GGA3: variants seen among roughly 807,000 people sequenced by gnomAD.
GGA3 encodes the protein golgi associated, gamma adaptin ear containing, ARF binding protein 3.
Under a neutral mutation model 77.5 loss-of-function variants are expected in GGA3, and 57 were observed. That is an observed-to-expected ratio of 0.74 (90% CI 0.59 to 0.92). GGA3 has a LOEUF of 0.92. GGA3 is among the 40% of genes least tolerant of loss of function. The probability of loss-of-function intolerance (pLI) is 0.00; values close to 1 mark genes in which losing one functional copy is unlikely to be tolerated. For missense variants in GGA3, 970 were observed against 914.9 expected (o/e 1.06, Z -0.78); for synonymous variants, 416 against 383.7 (o/e 1.08, Z -0.98).
In GGA3 at chr17:75,250,395, C is replaced by T. The variant is rs566937963; in HGVS notation, c.41-3599G>A. Among the ~76,000 whole-genome samples, 88 of 152,286 alleles carry T rather than the reference C, an allele frequency of 5.8e-4. No individual in the cohort carries two copies. The Middle Eastern group carries it at 0.01, about 18-fold the overall frequency. ...TAGCCTACTCTCGTGGGACTTAAAA[C>T]GTCATGTGGGGATGGAAACAGCAGC... On this transcript the variant is annotated intron_variant, in intron 1 of 16. Transcript: ENST00000537686.
rs1207770769 is a variant in GGA3 at position 75,239,868 on chromosome 17, C to T, written c.1504G>A (p.Gly502Arg). Residue 502 changes from glycine to arginine, a missense_variant, in exon 13 of 17, where the codon GGG becomes AGG. Coordinates refer to ENST00000537686, the MANE Select transcript of GGA3 (RefSeq NM_138619.4). ...LAPKVEPAVP[G>R]HHGLALGNSA... ...TTGCCCAACGCCAAGCCATGGTGCC[C>T]AGGGACTGCGGGCTCAACTTTTGGG... is the stretch of plus-strand genomic sequence containing the variant. The T allele has an allele frequency of 6.2e-7, 1 of 1,613,926 alleles. No individual in the cohort carries two copies. The highest frequency in any genetic ancestry group is 1.1e-5 in the South Asian group (1 of 91,088).
chr17:75,244,253 C>G (rs1420540373), intron 4 of GGA3: 1 of 224,752 alleles, frequency 4.4e-6, no homozygotes, highest in Admixed American at 5.2e-5. Context: ...AGCTGAGCAT[C>G]GGAGCAATGA....
chr17:75,258,270 G>A (rs1329914358), intron 1 of GGA3, among the ~76,000 whole-genome samples: 3 of 152,112 alleles, frequency 2.0e-5, no homozygotes, highest in Non-Finnish European at 2.9e-5. Flanking sequence ...CTCTTCACAC[G>A]GACGCGCATG....
intron 1 of GGA3, among the ~76,000 whole-genome samples, chr17:75,255,040 G>A (rs1027178949): frequency 1.3e-5 from 2 of 152,206 alleles, no homozygotes. Context: ...CTTAACGGCT[G>A]AAGACTGACG....
chr17:75,255,589 G>T (rs1167527512), intron 1 of GGA3, among the ~76,000 whole-genome samples: 1 of 152,196 alleles, frequency 6.6e-6, no homozygotes, highest in Non-Finnish European at 1.5e-5. Context: ...GCTTTGAAAG[G>T]AGTAAAGCCT....
At chr17:75,262,167 G>A (rs889960290), upstream of GGA3, 13 of 735,380 alleles carry the variant, frequency 1.8e-5, no homozygotes, top group African/African-American at 1.1e-4. Context: ...CGCCTAAGGA[G>A]TCTGGCTGAT....
chr17:75,261,350 G>A (rs535416894), intron 1 of GGA3, among the ~76,000 whole-genome samples, 198 bp downstream of exon 1: 125 of 152,382 alleles, frequency 8.2e-4, no homozygotes, highest in Middle Eastern at 3.4e-3. Context: ...ACGCGCCGCA[G>A]CGAGGGAAGC....
intron 1 of GGA3, among the ~76,000 whole-genome samples, chr17:75,256,073 T>A (rs949799448): frequency 1.3e-5 from 2 of 151,942 alleles, no homozygotes; most frequent in Non-Finnish European, 2.9e-5. Flanking sequence ...CAAACCTCAA[T>A]CCCTTACAAA....
In GGA3 at chr17:75,238,886, C is replaced by A. The variant is rs566127042; in HGVS notation, c.1950+28G>T. 1.7e-5 allele frequency: 28 copies of A among 1,610,730 alleles called. 1 individual carries two copies. Among genetic ancestry groups the A allele is most frequent in the South Asian group, 1.3e-4 (12 of 90,806 alleles). ...CTACACAACAGGGTCAAGATAAGGC[C>A]GTTTTGGCCCCAGGGAGACACTGGT... On this transcript the variant is annotated intron_variant, in intron 15 of 16. Coordinates refer to ENST00000537686, the MANE Select transcript of GGA3 (RefSeq NM_138619.4).
At chr17:75,260,708 T>C (rs1255909377) in intron 1 of GGA3, among the ~76,000 whole-genome samples, 1 of 152,198 alleles carries the variant, frequency 6.6e-6, no homozygotes, top group Non-Finnish European at 1.5e-5. Context: ...GGCTTCCAGG[T>C]CTAGCCTACA....
chr17:75,240,774 T>G (rs765119524), intron 11 of GGA3, 38 bp downstream of exon 11: 2 of 1,573,458 alleles, frequency 1.3e-6, no homozygotes, highest in South Asian at 2.4e-5. Context: ...CCCAGAGCCC[T>G]GTCAGGGGAT....
chr17:75,237,905 CTCTT>C lies in GGA3; in HGVS notation c.*370_*373del. 7.5e-7 allele frequency: 1 copy of C among 1,328,876 alleles called. No individual in the cohort carries two copies. Among genetic ancestry groups the C allele is most frequent in the Non-Finnish European group, 9.6e-7 (1 of 1,041,282 alleles). The allele number at this position is 1,328,876 out of a possible 1,614,324, so 82.3% of individuals were successfully genotyped here. On this transcript the variant is annotated 3_prime_UTR_variant, in exon 17 of 17. Transcript: ENST00000537686. ...TGTGGGGAATGACCCATGACAGTCTCTCTTTAGAGACTCCCACCCCCCACCCCCC... is the reference window on the plus strand; with the variant it reads ...TGTGGGGAATGACCCATGACAGTCTCTAGAGACTCCCACCCCCCACCCCCC...
chr17:75,244,339 G>T lies in GGA3; in HGVS notation c.300+280C>A, dbSNP rs1225745769. The T allele has an allele frequency of 7.2e-5, 24 of 332,022 alleles. No homozygotes were observed. In the East Asian group the frequency reaches 1.7e-3, roughly 23 times the overall value. 20.6% of individuals were successfully genotyped at this position (332,022 alleles called of 1,614,324 possible). ...AACCCACAACTGCCATGTGCCAGGT[G>T]CCTAGAGTCCCACACTACATGGGCC... On this transcript the variant is annotated intron_variant, in intron 4 of 16. Transcript: ENST00000537686.
intron 8 of GGA3, 21 bp downstream of exon 8, chr17:75,242,315 C>T (rs1567784881): frequency 6.8e-6 from 11 of 1,614,040 alleles, no homozygotes; most frequent in Non-Finnish European, 9.3e-6. Context: ...GGGAGGCAGC[C>T]TTTGCCGTCG....
At position 75,242,330 on chromosome 17, in the gene GGA3, T is replaced by G. The variant is rs760669988; in HGVS notation, c.747+6A>C. The stretch of plus-strand genomic sequence containing the variant: ...GGGAGGCAGCCTTTGCCGTCGGCGG[T>G]CCCACCTTCATCAGCTCTCTGTCCC... On this transcript the variant is annotated splice_donor_region_variant and intron_variant, in intron 8 of 16. Coordinates refer to ENST00000537686, the MANE Select transcript of GGA3 (RefSeq NM_138619.4). 1 of 1,614,100 alleles carries G rather than the reference T, an allele frequency of 6.2e-7. No homozygotes were observed. Among genetic ancestry groups the G allele is most frequent in the Admixed American group, 1.7e-5 (1 of 60,018 alleles).
At chr17:75,250,468 G>C (rs2076922523) in intron 1 of GGA3, among the ~76,000 whole-genome samples, 1 of 152,204 alleles carries the variant, frequency 6.6e-6, no homozygotes, top group African/African-American at 2.4e-5. Flanking sequence ...GAGAAAACAA[G>C]ATCTACATAG....
At position 75,239,498 on chromosome 17, in the gene GGA3, A is replaced by C; in HGVS notation, c.1657T>G (p.Phe553Val). The C allele has an allele frequency of 1.3e-6, 2 of 1,571,818 alleles. No individual in the cohort carries two copies. The highest frequency in any genetic ancestry group is 2.8e-5 in the African/African-American group (2 of 72,630). ...AGCGGGCTGCCGGGCCCCGTGGAGA[A>C]GGGCAGGAGGGGCCTGGCTGGGGTG... ...TTTPARPLLP[F>V]STGPGSPLFQ... is the part of the protein sequence containing the mutation. The change falls in exon 14 of 17, where the codon TTC becomes GTC. Residue 553 changes from phenylalanine (F) to valine (V), a missense_variant. By Grantham distance (50) the Phe-to-Val change is conservative. Coordinates refer to ENST00000537686, the MANE Select transcript of GGA3 (RefSeq NM_138619.4).
Position 75,236,901 on chromosome 17 carries a change from A to AG in GGA3, c.*1377dup, listed in dbSNP as rs1176840594. 1.3e-5 allele frequency: 2 copies of AG among 154,932 alleles called. No homozygotes were observed. Among genetic ancestry groups the AG allele is most frequent in the African/African-American group, 4.8e-5 (2 of 41,458 alleles). 9.6% of individuals were successfully genotyped at this position (154,932 alleles called of 1,614,324 possible). On this transcript the variant is annotated 3_prime_UTR_variant, in exon 17 of 17. Transcript: ENST00000537686. ...TGAAACCTGCTTGCTAAAGACAGCG[A>AG]GGGGCAGGGAAGGGATATGACCTCT...
In GGA3 at chr17:75,239,055, A is replaced by T; in HGVS notation, c.1809T>A (p.Asp603Glu). The change falls in exon 15 of 17, where the codon GAT becomes GAA. Residue 603 changes from aspartate to glutamate, a missense_variant. Physicochemically the swap from Asp to Glu is conservative, Grantham distance 45 (BLOSUM62 2). Transcript: ENST00000537686. The stretch of plus-strand genomic sequence containing the variant: ...GGAAGAGGATGCGGAAGCCGTTTTT[A>T]TCGTAGGCTGTCACAGGAAGGGCAC... ...PSSALPVTAYDKNGFRILFHF... is the reference protein window; with the variant it reads ...PSSALPVTAYEKNGFRILFHF... The T allele has an allele frequency of 6.2e-7, 1 of 1,613,712 alleles. No homozygotes were observed. Among genetic ancestry groups the T allele is most frequent in the Non-Finnish European group, 8.5e-7 (1 of 1,179,966 alleles).
Sources: allele counts gnomAD v4.1 joint callset (sites outside exome capture counted in the v4.1 genomes callset), GRCh38; gene constraint gnomAD v4.1.1; transcripts MANE v1.5; gene names NCBI Gene and HGNC (gene_info 2026-07-23, HGNC 2026-07-21).